The following PICK1 variants were observed in gnomAD, a reference collection of about 807,000 sequenced individuals.
PICK1 encodes PRKCA-binding protein.
A neutral mutation model predicts 48.9 loss-of-function variants in PICK1; 23 were observed. The observed-to-expected ratio is 0.47, with a 90% CI of 0.34 to 0.67. The LOEUF (loss-of-function observed/expected upper bound fraction) is 0.67, where lower values mean the gene tolerates loss of function less well. Ranked by LOEUF, PICK1 falls within the 30% of genes least tolerant of loss-of-function variation. The pLI is 0.01. For missense variants in PICK1, 423 were observed against 557.1 expected, an observed-to-expected ratio of 0.76 and a Z score of 2.42; for synonymous variants, 217 against 228.2, an observed-to-expected ratio of 0.95 and a Z score of 0.44.
At chr22:38,060,340 G>A (rs1601937490) in intron 3 of PICK1, among the ~76,000 whole-genome samples, 2 of 152,360 alleles carry the variant, frequency 1.3e-5, no homozygotes, top group Admixed American at 1.3e-4. Context: ...AGAGGAAGCT[G>A]CACTGGTGAT....
In PICK1 at chr22:38,068,041, G is replaced by T. The variant is rs761746741; in HGVS notation, c.349+271G>T. ...TCCCTGCTTCTGCCATCTCCTCTGG[G>T]GACTTGCTACCCTAGGGTTGTCCTT... is the stretch of plus-strand genomic sequence containing the variant. On this transcript the variant is annotated intron_variant, in intron 5 of 12. Transcript: ENST00000356976. The T allele has an allele frequency of 3.9e-4, 224 of 581,626 alleles. 1 individual carries two copies. The highest frequency in any genetic ancestry group is 2.7e-4 in the Middle Eastern group (1 of 3,710). The allele number at this position is 581,626 out of a possible 1,614,324, so 36.0% of individuals were successfully genotyped here.
At chr22:38,067,191 A>C (rs575540394) in intron 4 of PICK1, among the ~76,000 whole-genome samples, 84 of 151,852 alleles carry the variant, frequency 5.5e-4, no homozygotes, top group African/African-American at 1.7e-3. Context: ...CCCTGTCCCC[A>C]CTGATTCCCC....
Position 38,075,086 on chromosome 22 carries a change from G to A in PICK1, c.1202G>A (p.Gly401Glu), listed in dbSNP as rs1049850068. The change falls in exon 13 of 13, where the codon GGG (glycine) becomes GAG (glutamate). Residue 401 changes from glycine (G) to glutamate (E), a missense_variant. Coordinates refer to ENST00000356976, the MANE Select transcript of PICK1 (RefSeq NM_012407.4). ...AAGEPSRDTR[G>E]AAGPLDKGGS... ...GGGGAGCCGTCCAGGGATACACGAG[G>A]GGCTGCTGGGCCCTTGGACAAGGGT... The A allele has an allele frequency of 1.2e-6, 2 of 1,612,608 alleles. No individual in the cohort carries two copies. Among genetic ancestry groups the A allele is most frequent in the Admixed American group, 3.3e-5 (2 of 59,994 alleles).
chr22:38,074,388 G>A lies in PICK1; in HGVS notation c.916G>A (p.Ala306Thr), dbSNP rs373780505. 11 of 1,612,872 alleles carry A rather than the reference G, an allele frequency of 6.8e-6. No homozygotes were observed. Among genetic ancestry groups the A allele is most frequent in the Non-Finnish European group, 9.3e-6 (11 of 1,179,942 alleles). ...LILRCRQEAR[A>T]RFSQMRKDVL... is the part of the protein sequence containing the mutation. ...CCTGCGCTGCCGCCAGGAGGCGCGCGCCCGCTTCTCCCAGATGCGCAAGGA... is the reference window on the plus strand; with the variant it reads ...CCTGCGCTGCCGCCAGGAGGCGCGCACCCGCTTCTCCCAGATGCGCAAGGA... The change falls in exon 12 of 13, where the codon GCC (alanine) becomes ACC (threonine). Residue 306 changes from alanine to threonine, a missense_variant. By Grantham distance (58) the Ala-to-Thr change is moderately conservative. This residue lies in a region of PICK1 where 279 missense variants were observed against 417.8 expected (regional missense o/e 0.67). Transcript: ENST00000356976. This position sits in a 1 kb window ranked among gnomAD's most constrained non-coding sequence, Gnocchi z 4.5.
At position 38,074,274 on chromosome 22, in the gene PICK1, T is replaced by C. The variant is rs1444659423; in HGVS notation, c.835-33T>C. The C allele has an allele frequency of 6.2e-7, 1 of 1,611,546 alleles. No homozygotes were observed. The highest frequency in any genetic ancestry group is 1.3e-5 in the African/African-American group (1 of 74,892). Reference sequence around the variant, plus strand: ...GCACAGTGCGGTGCGAGGCCGTCCCTGAGCAGGCACTCCTGTCCCACCCCC... The same window carrying C: ...GCACAGTGCGGTGCGAGGCCGTCCCCGAGCAGGCACTCCTGTCCCACCCCC... On this transcript the variant is annotated intron_variant, in intron 11 of 12. Coordinates refer to ENST00000356976, the MANE Select transcript of PICK1 (RefSeq NM_012407.4). The surrounding 1 kb of genome is among the most constrained non-coding windows in gnomAD (Gnocchi z 4.5).
intron 5 of PICK1, among the ~76,000 whole-genome samples, chr22:38,068,453 T>TCATA (rs1444660734): frequency 2.6e-5 from 4 of 152,160 alleles, no homozygotes; most frequent in African/African-American, 4.8e-5. Context: ...GCAATCCCCT[T>TCATA]CATACACCCT....
chr22:38,057,896 G>A (rs1237562095), intron 2 of PICK1, 46 bp downstream of exon 2: 1 of 1,497,790 alleles, frequency 6.7e-7, no homozygotes, highest in Non-Finnish European at 9.3e-7. Context: ...GGAGCCCCAA[G>A]TTCCTCATTT....
intron 9 of PICK1, 139 bp from the exon 10 acceptor site, chr22:38,072,861 G>T: frequency 1.2e-6 from 1 of 841,586 alleles, no homozygotes; most frequent in Non-Finnish European, 2.1e-6. Flanking sequence ...TCTCATCCTT[G>T]AGAGGGACAA....
chr22:38,065,650 CT>C (rs1465295712), intron 4 of PICK1, among the ~76,000 whole-genome samples: 1 of 152,206 alleles, frequency 6.6e-6, no homozygotes, highest in East Asian at 1.9e-4. Flanking sequence ...AGCTGATCTT[CT>C]GCTCTACAGA....
chr22:38,064,170 G>A (rs1336293907), intron 3 of PICK1, among the ~76,000 whole-genome samples: 1 of 151,526 alleles, frequency 6.6e-6, no homozygotes, highest in African/African-American at 2.4e-5. Flanking sequence ...CGATTCTCCT[G>A]CCTCAGCCTT....
At chr22:38,068,959 A>G in intron 5 of PICK1, 74 bp from the exon 6 acceptor site, 2 of 1,241,940 alleles carry the variant, frequency 1.6e-6, no homozygotes, top group Non-Finnish European at 2.3e-6. Context: ...CTCCCTGTGC[A>G]TGGAGGTAAG....
chr22:38,074,168 A>G lies in PICK1; in HGVS notation c.835-139A>G, dbSNP rs2085771095. On this transcript the variant is annotated intron_variant, in intron 11 of 12. Transcript: ENST00000356976. The surrounding 1 kb of genome is among the most constrained non-coding windows in gnomAD (Gnocchi z 4.5). ...GGGTTTGGTTTTTTCCTCTCTTCAA[A>G]GCTATCACTGAGTGCTTCTGAGAAA... 6 of 1,047,836 alleles carry G rather than the reference A, an allele frequency of 5.7e-6. No homozygotes were observed. The highest frequency in any genetic ancestry group is 3.0e-4 in the Middle Eastern group (1 of 3,284). The allele number at this position is 1,047,836 out of a possible 1,614,324, so 64.9% of individuals were successfully genotyped here. A position where few individuals can be genotyped will look rare whatever the true frequency, so the allele number is the denominator to read the frequency against.
Position 38,073,674 on chromosome 22 carries a change from T to TG in PICK1, c.784-98dup, listed in dbSNP as rs2085756688. 1 of 1,113,214 alleles carries TG rather than the reference T, an allele frequency of 9.0e-7. No homozygotes were observed. The highest frequency in any genetic ancestry group is 1.5e-5 in the African/African-American group (1 of 65,426). 69.0% of individuals were successfully genotyped at this position (1,113,214 alleles called of 1,614,324 possible). ...CCCGCTCTGGGACTCCCTGAACACC[T>TG]GCGCCAGCCTCTCCTGCTGCGTGTG... On this transcript the variant is annotated intron_variant, in intron 10 of 12. Coordinates refer to ENST00000356976, the MANE Select transcript of PICK1 (RefSeq NM_012407.4). The surrounding 1 kb of genome is among the most constrained non-coding windows in gnomAD (Gnocchi z 5.7).
At chr22:38,067,887 T>G (rs931932879) in intron 5 of PICK1, 117 bp downstream of exon 5, 1 of 866,844 alleles carries the variant, frequency 1.2e-6, no homozygotes, top group Admixed American at 2.0e-5. Flanking sequence ...AATCCAGAGT[T>G]ACATGGCTGT....
At chr22:38,070,726 C>A in intron 6 of PICK1, 112 bp from the exon 7 acceptor site, 2 of 903,040 alleles carry the variant, frequency 2.2e-6, no homozygotes, top group South Asian at 1.3e-5. Context: ...GACCCCTGAT[C>A]TTTCCCTTCC....
chr22:38,063,184 T>A (rs2085446399), intron 3 of PICK1, among the ~76,000 whole-genome samples: 1 of 151,502 alleles, frequency 6.6e-6, no homozygotes, highest in Non-Finnish European at 1.5e-5. Context: ...TGAGACAGGA[T>A]CTTGCTCTGT....
In PICK1 at chr22:38,057,571, G is replaced by GC. The variant is rs1245655072; in HGVS notation, c.-68dup. Reference sequence around the variant, plus strand: ...TCTGAGCCTATCGCCCTGGCCTGGAGCCCCCCTTTGTACCTAGTAAGAATC... The same window carrying GC: ...TCTGAGCCTATCGCCCTGGCCTGGAGCCCCCCCTTTGTACCTAGTAAGAATC... On this transcript the variant is annotated 5_prime_UTR_variant, in exon 1 of 13. Coordinates refer to ENST00000356976, the MANE Select transcript of PICK1 (RefSeq NM_012407.4). 6.9e-6 allele frequency: 4 copies of GC among 577,742 alleles called. No homozygotes were observed. Among genetic ancestry groups the GC allele is most frequent in the African/African-American group, 1.9e-5 (1 of 53,394 alleles). The allele number at this position is 577,742 out of a possible 1,614,324, so 35.8% of individuals were successfully genotyped here.
chr22:38,068,188 G>T, intron 5 of PICK1: 1 of 456,882 alleles, frequency 2.2e-6, no homozygotes. Context: ...GGCCTCTCCT[G>T]CCATCAGCTC....
chr22:38,067,120 G>C (rs1363854749), intron 4 of PICK1, among the ~76,000 whole-genome samples: 1 of 152,060 alleles, frequency 6.6e-6, no homozygotes, highest in African/African-American at 2.4e-5. Flanking sequence ...GGAAGAAGGA[G>C]AGCCTGACCT....
Sources: allele counts gnomAD v4.1 joint callset (sites outside exome capture counted in the v4.1 genomes callset), GRCh38; gene constraint gnomAD v4.1.1; regional missense constraint gnomAD v4.1.1; non-coding constraint Gnocchi (gnomAD v3.1); transcripts MANE v1.5; gene names NCBI Gene and HGNC (gene_info 2026-07-23, HGNC 2026-07-21).